The following OTOGL variants were observed in gnomAD, a reference collection of about 807,000 sequenced individuals.
The protein encoded by OTOGL is otogelin-like protein.
OTOGL carries 285 observed loss-of-function variants against 318.5 expected under a neutral mutation model. The ratio of observed to expected loss-of-function variants is 0.89; its 90% confidence interval spans 0.81 to 0.99. The LOEUF (loss-of-function observed/expected upper bound fraction) is 0.99. Among genes scored for constraint, OTOGL ranks in the 50% least tolerant of loss-of-function variants. The pLI is 0.00. For missense variants in OTOGL, 2,899 were observed against 2,845.6 expected (o/e 1.02, Z -0.43); for synonymous variants, 987 against 936.5 (o/e 1.05, Z -0.99).
chr12:80,229,644 C>G (rs546228511), intron 8 of OTOGL, among the ~76,000 whole-genome samples: 2 of 151,838 alleles, frequency 1.3e-5, no homozygotes, highest in African/African-American at 4.8e-5. Flanking sequence ...GAGTCTCTCT[C>G]TCTCTTTTTT....
At chr12:80,192,118 T>C (rs767165170) in intron 1 of OTOGL, among the ~76,000 whole-genome samples, 16 of 152,234 alleles carry the variant, frequency 1.1e-4, no homozygotes, top group Non-Finnish European at 1.3e-4. Context: ...GTAACTTCCA[T>C]GTTTGGATAC....
chr12:80,238,821 T>A, intron 9 of OTOGL, 30 bp from the exon 10 acceptor site: 1 of 1,471,098 alleles, frequency 6.8e-7, no homozygotes. Context: ...CCTATTTGTG[T>A]GTGTGTGTGT....
At chr12:80,277,960 T>C (rs1349201134) in intron 24 of OTOGL, among the ~76,000 whole-genome samples, 1 of 151,588 alleles carries the variant, frequency 6.6e-6, no homozygotes, top group African/African-American at 2.4e-5. Context: ...ATCTAGTCAT[T>C]TGCCTGGCAT....
intron 26 of OTOGL, among the ~76,000 whole-genome samples, chr12:80,282,519 GT>G (rs1262246794): frequency 2.0e-5 from 3 of 151,180 alleles, no homozygotes; most frequent in Non-Finnish European, 4.4e-5. Context: ...CGGATGGTAA[GT>G]TGCCTATAGG....
chr12:80,104,669 G>C (rs1869348459), intron 1 of OTOGL, among the ~76,000 whole-genome samples: 1 of 152,064 alleles, frequency 6.6e-6, no homozygotes, highest in Non-Finnish European at 1.5e-5. Flanking sequence ...GTTGGGCACA[G>C]TTTAAGTGCA....
intron 1 of OTOGL, among the ~76,000 whole-genome samples, chr12:80,109,239 C>G (rs10778705): frequency 0.55 from 83,715 of 151,664 alleles, 23,247 homozygotes; most frequent in Middle Eastern, 0.58. Flanking sequence ...TACTTCCAGG[C>G]CCTTGCTAAG....
intron 33 of OTOGL, 140 bp from the exon 34 acceptor site, chr12:80,320,282 T>C (rs1240981243): frequency 1.4e-6 from 1 of 707,218 alleles, no homozygotes; most frequent in East Asian, 3.1e-5. Flanking sequence ...CCTAGTTTAT[T>C]TGTGAAATCT....
chr12:80,188,794 T>C (rs1012748697), intron 1 of OTOGL, among the ~76,000 whole-genome samples: 4 of 152,184 alleles, frequency 2.6e-5, no homozygotes, highest in Admixed American at 1.3e-4. Flanking sequence ...CTCTAGAGAA[T>C]AGGATCATAA....
intron 1 of OTOGL, among the ~76,000 whole-genome samples, chr12:80,151,453 T>C (rs1051868191): frequency 1.3e-5 from 2 of 152,172 alleles, no homozygotes; most frequent in African/African-American, 4.8e-5. Flanking sequence ...TTCACATACT[T>C]ACAAGCTCAT....
chr12:80,221,127 C>T (rs1271084440), intron 6 of OTOGL, among the ~76,000 whole-genome samples: 1 of 150,940 alleles, frequency 6.6e-6, no homozygotes, highest in Non-Finnish European at 1.5e-5. Context: ...ATTTAGAAAA[C>T]AAAAATTGAA....
At chr12:80,147,807 T>C (rs1163803247) in intron 1 of OTOGL, among the ~76,000 whole-genome samples, 1 of 152,190 alleles carries the variant, frequency 6.6e-6, no homozygotes, top group East Asian at 1.9e-4. Context: ...TACCATTATA[T>C]AATGGCCTTG....
At chr12:80,117,377 T>TA (rs1870233443) in intron 1 of OTOGL, among the ~76,000 whole-genome samples, 1 of 152,222 alleles carries the variant, frequency 6.6e-6, no homozygotes, top group Non-Finnish European at 1.5e-5. Context: ...TCATTTAAGT[T>TA]AGAGACCTTG....
chr12:80,223,565 C>A (rs1244162589), intron 7 of OTOGL, among the ~76,000 whole-genome samples: 1 of 151,990 alleles, frequency 6.6e-6, no homozygotes, highest in African/African-American at 2.4e-5. Flanking sequence ...AAAGTGTTCC[C>A]TTTTCACCAC....
intron 24 of OTOGL, among the ~76,000 whole-genome samples, chr12:80,273,274 A>G (rs1241147581): frequency 1.3e-5 from 2 of 152,018 alleles, no homozygotes; most frequent in Non-Finnish European, 2.9e-5. Context: ...TGGTAATGTG[A>G]TTTGCCCTGT....
At chr12:80,295,532 A>C (rs1463896672) in intron 26 of OTOGL, among the ~76,000 whole-genome samples, 1 of 152,194 alleles carries the variant, frequency 6.6e-6, no homozygotes, top group Non-Finnish European at 1.5e-5. Context: ...ATGCTGACCC[A>C]TGTGTCTCAA....
In OTOGL at chr12:80,262,081, A is replaced by T. The variant is rs575237232; in HGVS notation, c.2002A>T (p.Asn668Tyr). ...HVPVVDPCNI[N>Y]QQNIGYAAHC... ...CCCAGTGGTGGACCCCTGTAACATC[A>T]ATCAACAAAACAGTAAGTTTTGCAT... is the stretch of plus-strand genomic sequence containing the variant. The change falls in exon 19 of 59, where the codon AAT becomes TAT. Residue 668 changes from asparagine to tyrosine, a missense_variant. Asn to Tyr is a moderately radical substitution (Grantham distance 143). Transcript: ENST00000547103. 1 of 1,607,938 alleles carries T rather than the reference A, an allele frequency of 6.2e-7. No individual in the cohort carries two copies. Among genetic ancestry groups the T allele is most frequent in the Non-Finnish European group, 8.5e-7 (1 of 1,176,474 alleles).
intron 26 of OTOGL, among the ~76,000 whole-genome samples, chr12:80,287,417 C>G (rs1025268944): frequency 5.3e-5 from 8 of 151,494 alleles, no homozygotes; most frequent in Admixed American, 2.6e-4. Flanking sequence ...TTAGGTCTGC[C>G]TGGTCCAGAG....
rs1427453557 is a variant in OTOGL, at chr12:80,336,978, A to G, written c.4834A>G (p.Ile1612Val). 6.3e-7 allele frequency: 1 copy of G among 1,588,646 alleles called. No individual in the cohort carries two copies. Among genetic ancestry groups the G allele is most frequent in the Non-Finnish European group, 8.6e-7 (1 of 1,165,726 alleles). ...KLNVTTPIHK[I>V]IVNRLARKVE... ...AAATGTGACAACACCCATACATAAA[A>G]TAATTGTCAATCGGTTGGCAAGAAA... The change falls in exon 42 of 59, where the codon ATA becomes GTA. Residue 1612 changes from isoleucine to valine, a missense_variant. Physicochemically the swap from Ile to Val is conservative, Grantham distance 29. This residue lies in a region of OTOGL where 2,607 missense variants were observed against 2,524.9 expected (regional missense o/e 1.03). Transcript: ENST00000547103.
intron 44 of OTOGL, among the ~76,000 whole-genome samples, chr12:80,345,224 A>G (rs1889113772): frequency 7.2e-6 from 1 of 138,284 alleles, no homozygotes; most frequent in Admixed American, 7.7e-5. Context: ...AAATATATAT[A>G]TATTATATAT....
Sources: gnomAD v4.1 joint callset for allele counts (sites outside exome capture counted in the v4.1 genomes callset) on GRCh38, gnomAD v4.1.1 for gene constraint, gnomAD v4.1.1 regional missense constraint, MANE v1.5 for transcripts, NCBI Gene and HGNC (gene_info 2026-07-23, HGNC 2026-07-21) for gene names.